TMEM272: variants seen among roughly 807,000 people sequenced by gnomAD.
The protein encoded by TMEM272 is long intergenic non-protein coding RNA 282.
Under a neutral mutation model 3.7 loss-of-function variants are expected in TMEM272, and 8 were observed. The ratio of observed to expected loss-of-function variants is 2.17; its 90% CI spans 1.27 to 3.91. TMEM272 has a LOEUF of 3.91. Among genes scored for constraint, TMEM272 ranks in the 30% most tolerant of loss-of-function variants. The probability of loss-of-function intolerance (pLI) is 0.00; values close to 1 mark genes in which losing one functional copy is unlikely to be tolerated. For missense variants in TMEM272, 166 were observed against 91.5 expected (o/e 1.81, Z -3.32); for synonymous variants, 63 against 39.8 (o/e 1.58, Z -2.20).
chr13:51,901,373 C>CA, the TMEM272 span, among the ~76,000 whole-genome samples: 1 of 152,246 alleles, frequency 6.6e-6, no homozygotes, highest in African/African-American at 2.4e-5. Flanking sequence ...ATCCCTGGTA[C>CA]ATATAAAGAA....
chr13:51,907,244 A>G, the TMEM272 span, among the ~76,000 whole-genome samples: 2 of 152,208 alleles, frequency 1.3e-5, no homozygotes, highest in Non-Finnish European at 2.9e-5. Context: ...ACATGAAGAC[A>G]GAGGCTCTGA....
At chr13:51,872,943 A>T in the TMEM272 span, among the ~76,000 whole-genome samples, 1 of 152,330 alleles carries the variant, frequency 6.6e-6, no homozygotes, top group South Asian at 2.1e-4. Context: ...GGGAAGCCCC[A>T]CCAAAATGTG....
chr13:51,892,414 T>C, the TMEM272 span, among the ~76,000 whole-genome samples: 1 of 152,158 alleles, frequency 6.6e-6, no homozygotes, highest in East Asian at 1.9e-4. Context: ...GGGGCACAGG[T>C]AGGCAAGTTA....
At chr13:51,834,397 T>TG (rs1269822401) in intron 2 of TMEM272, among the ~76,000 whole-genome samples, 1 of 152,170 alleles carries the variant, frequency 6.6e-6, no homozygotes, top group East Asian at 1.9e-4. Flanking sequence ...CTCCCATACT[T>TG]GAATTCTCGT....
At chr13:51,865,307 T>A in the TMEM272 span, 2 of 1,277,330 alleles carry the variant, frequency 1.6e-6, no homozygotes, top group Admixed American at 4.6e-5. Context: ...TACTCATAGA[T>A]CTGTCTTTTC....
chr13:51,931,652 G>C, the TMEM272 span, among the ~76,000 whole-genome samples: 1 of 152,086 alleles, frequency 6.6e-6, no homozygotes, highest in Non-Finnish European at 1.5e-5. Flanking sequence ...AAAAGAAAAA[G>C]AAAGAATCTA....
At chr13:51,881,881 C>G in the TMEM272 span, among the ~76,000 whole-genome samples, 1 of 152,134 alleles carries the variant, frequency 6.6e-6, no homozygotes, top group Non-Finnish European at 1.5e-5. Flanking sequence ...TATTCCATTA[C>G]AGCACCCCAA....
chr13:51,922,143 T>C, the TMEM272 span, among the ~76,000 whole-genome samples: 1 of 152,158 alleles, frequency 6.6e-6, no homozygotes, highest in East Asian at 1.9e-4. Flanking sequence ...TTACAGACCA[T>C]CCAACCGCAG....
Position 51,813,491 on chromosome 13 carries a change from G to T in TMEM272, c.*3260C>A, listed in dbSNP as rs149294903. 5.3e-6 allele frequency: 2 copies of T among 380,758 alleles called. No individual in the cohort carries two copies. Among genetic ancestry groups the T allele is most frequent in the East Asian group, 7.5e-5 (2 of 26,714 alleles). 23.6% of individuals were successfully genotyped at this position (380,758 alleles called of 1,614,324 possible). A position where few individuals can be genotyped will look rare whatever the true frequency, so the allele number is the denominator to read the frequency against. ...GAGAAGGAAATAACACGAAGTACTG[G>T]AAGTGACATTATATTGTCCTCATGG... On this transcript the variant is annotated 3_prime_UTR_variant, in exon 5 of 5. Transcript: ENST00000629372.
chr13:51,909,495 C>T, the TMEM272 span: 1 of 964,510 alleles, frequency 1.0e-6, no homozygotes. Context: ...GTTGAAGTTT[C>T]TGATTCTCAC....
At chr13:51,825,046 T>C (rs1004572592) in intron 3 of TMEM272, among the ~76,000 whole-genome samples, 1 of 152,136 alleles carries the variant, frequency 6.6e-6, no homozygotes, top group Non-Finnish European at 1.5e-5. Flanking sequence ...CTCTGGAGAG[T>C]ACCCCCGACT....
At chr13:51,865,096 CCTT>C in the TMEM272 span, among the ~76,000 whole-genome samples, 1 of 152,232 alleles carries the variant, frequency 6.6e-6, no homozygotes, top group Non-Finnish European at 1.5e-5. Context: ...CAGCCACTGT[CCTT>C]CTTGGCTGAG....
At chr13:51,822,852 T>C (rs1956092034) in intron 3 of TMEM272, among the ~76,000 whole-genome samples, 1 of 152,230 alleles carries the variant, frequency 6.6e-6, no homozygotes, top group African/African-American at 2.4e-5. Flanking sequence ...AGGTCTTTGT[T>C]CCCTAGACCT....
At chr13:51,835,394 T>A (rs1185598336) in intron 2 of TMEM272, among the ~76,000 whole-genome samples, 1 of 151,962 alleles carries the variant, frequency 6.6e-6, no homozygotes, top group Non-Finnish European at 1.5e-5. Context: ...CCAGCTAATT[T>A]TTTTTGTATT....
In TMEM272 at chr13:51,816,454, C is replaced by T. The variant is rs1375158221; in HGVS notation, c.*297G>A. 4 of 275,490 alleles carry T rather than the reference C, an allele frequency of 1.5e-5. No individual in the cohort carries two copies. Among genetic ancestry groups the T allele is most frequent in the African/African-American group, 8.5e-5 (4 of 46,864 alleles). The allele number at this position is 275,490 out of a possible 1,614,324, so 17.1% of individuals were successfully genotyped here. A position where few individuals can be genotyped will look rare whatever the true frequency, so the allele number is the denominator to read the frequency against. ...AAGGTCTCCCATTCTTTGCCTCCCA[C>T]ACTTCATACCCTCAAAAACAATTAT... On this transcript the variant is annotated 3_prime_UTR_variant, in exon 5 of 5. Coordinates refer to ENST00000629372, the MANE Select transcript of TMEM272 (RefSeq NM_001351003.2).
At chr13:51,908,761 G>C in the TMEM272 span, 1 of 1,460,256 alleles carries the variant, frequency 6.8e-7, no homozygotes, top group African/African-American at 1.4e-5. Context: ...AATCTGTCTT[G>C]CCTTTGTGGA....
chr13:51,845,821 T>C (rs943583502), upstream of TMEM272, among the ~76,000 whole-genome samples: 1 of 152,224 alleles, frequency 6.6e-6, no homozygotes, highest in African/African-American at 2.4e-5. Flanking sequence ...CCAAAGATTC[T>C]CAATCTGTAG....
the TMEM272 span, among the ~76,000 whole-genome samples, chr13:51,855,887 G>A: frequency 1.3e-5 from 2 of 152,310 alleles, no homozygotes; most frequent in African/African-American, 4.8e-5. Context: ...TGTCCTAAAA[G>A]TGATGAAGGT....
chr13:51,889,635 T>TC, the TMEM272 span, among the ~76,000 whole-genome samples: 62 of 142,372 alleles, frequency 4.4e-4, no homozygotes, highest in East Asian at 0.01. Flanking sequence ...TGTGTGTGTG[T>TC]GGGGGGGTTT....
Sources: gnomAD v4.1 joint callset for allele counts (sites outside exome capture counted in the v4.1 genomes callset) on GRCh38, gnomAD v4.1.1 for gene constraint, MANE v1.5 for transcripts, NCBI Gene and HGNC (gene_info 2026-07-23, HGNC 2026-07-21) for gene names.